ZNF385D: variants seen among roughly 807,000 people sequenced by gnomAD.
ZNF385D encodes the protein zinc finger protein 659.
Under a neutral mutation model 35.8 loss-of-function variants are expected in ZNF385D, and 15 were observed. The observed-to-expected ratio is 0.42, with a 90% CI of 0.28 to 0.64. The LOEUF (loss-of-function observed/expected upper bound fraction) is 0.64. Among genes scored for constraint, ZNF385D ranks in the 30% least tolerant of loss-of-function variants. The pLI is 0.23. For missense variants in ZNF385D, 474 were observed against 494.6 expected, an observed-to-expected ratio of 0.96 and a Z score of 0.39; for synonymous variants, 212 against 186.8, an observed-to-expected ratio of 1.13 and a Z score of -1.10.
At chr3:22,228,949 C>G (rs950270634) in intron 2 of ZNF385D, among the ~76,000 whole-genome samples, 2 of 152,366 alleles carry the variant, frequency 1.3e-5, no homozygotes, top group Non-Finnish European at 2.9e-5. Context: ...CCTTCGGCCA[C>G]AGGCTGAATG....
chr3:22,272,302 T>G (rs901415565), intron 2 of ZNF385D, among the ~76,000 whole-genome samples: 1 of 151,994 alleles, frequency 6.6e-6, no homozygotes, highest in African/African-American at 2.4e-5. Flanking sequence ...TCATAATCTA[T>G]TGTCTTTCCC....
chr3:21,832,919 T>C (rs1038514224), intron 3 of ZNF385D, among the ~76,000 whole-genome samples: 3 of 152,190 alleles, frequency 2.0e-5, no homozygotes, highest in Non-Finnish European at 2.9e-5. Flanking sequence ...AATGATATAC[T>C]TGTGGTCAAA....
At chr3:21,941,556 G>A (rs1436677274) in intron 3 of ZNF385D, among the ~76,000 whole-genome samples, 3 of 129,850 alleles carry the variant, frequency 2.3e-5, no homozygotes, top group South Asian at 2.5e-4. Flanking sequence ...GGAATGCAGT[G>A]GCATGATCTC....
intron 3 of ZNF385D, among the ~76,000 whole-genome samples, chr3:22,120,374 C>T (rs1703028233): frequency 1.3e-5 from 2 of 152,090 alleles, no homozygotes. Flanking sequence ...TGCTGCATCC[C>T]TTCCTCTTCT....
At chr3:21,545,028 C>G (rs537373622) in intron 3 of ZNF385D, among the ~76,000 whole-genome samples, 3 of 152,094 alleles carry the variant, frequency 2.0e-5, no homozygotes, top group Non-Finnish European at 4.4e-5. Context: ...AACATATGTT[C>G]GAAAATTGTA....
chr3:21,840,023 T>G (rs1021982340), intron 3 of ZNF385D, among the ~76,000 whole-genome samples: 19 of 152,116 alleles, frequency 1.2e-4, no homozygotes, highest in African/African-American at 4.6e-4. Context: ...TTCAACGTTT[T>G]TGGGTGTGAG....
At chr3:21,847,084 C>A (rs1457234051) in intron 3 of ZNF385D, among the ~76,000 whole-genome samples, 1 of 152,028 alleles carries the variant, frequency 6.6e-6, no homozygotes, top group East Asian at 1.9e-4. Flanking sequence ...TTTCTAAATT[C>A]TAATCCCCTA....
intron 3 of ZNF385D, among the ~76,000 whole-genome samples, chr3:21,799,507 T>C (rs976392227): frequency 4.6e-5 from 7 of 152,198 alleles, no homozygotes; most frequent in Non-Finnish European, 7.3e-5. Context: ...TAAAAACTAT[T>C]GGTATTAAGT....
At chr3:21,786,217 G>T (rs2071685710) in intron 3 of ZNF385D, among the ~76,000 whole-genome samples, 1 of 152,076 alleles carries the variant, frequency 6.6e-6, no homozygotes, top group South Asian at 2.1e-4. Context: ...GACTTTATAA[G>T]CTTCTCTAAG....
At chr3:21,991,622 G>A (rs978035794) in intron 3 of ZNF385D, among the ~76,000 whole-genome samples, 1 of 152,162 alleles carries the variant, frequency 6.6e-6, no homozygotes, top group African/African-American at 2.4e-5. Context: ...CAGCTAATAA[G>A]ACAAAGAACT....
intron 2 of ZNF385D, among the ~76,000 whole-genome samples, chr3:22,213,644 ACCT>A (rs1697667800): frequency 6.6e-6 from 1 of 151,950 alleles, no homozygotes; most frequent in African/African-American, 2.4e-5. Flanking sequence ...AAGTTAAAAA[ACCT>A]CCTCATGTCA....
intron 3 of ZNF385D, among the ~76,000 whole-genome samples, chr3:22,112,780 C>A (rs1284451726): frequency 6.6e-6 from 1 of 151,996 alleles, no homozygotes; most frequent in Non-Finnish European, 1.5e-5. Flanking sequence ...TCAAGAAATA[C>A]AAACTTCATT....
At chr3:21,828,557 T>C (rs2125756678) in intron 3 of ZNF385D, among the ~76,000 whole-genome samples, 1 of 152,356 alleles carries the variant, frequency 6.6e-6, no homozygotes, top group East Asian at 1.9e-4. Context: ...TGGCATGTGC[T>C]TTATCATTTG....
intron 3 of ZNF385D, among the ~76,000 whole-genome samples, chr3:22,109,890 G>C (rs932103987): frequency 6.6e-6 from 1 of 151,852 alleles, no homozygotes; most frequent in Non-Finnish European, 1.5e-5. Flanking sequence ...TCTGACAAAG[G>C]GCTACTCATC....
intron 4 of ZNF385D, among the ~76,000 whole-genome samples, chr3:21,482,488 G>A (rs1704699395): frequency 6.6e-6 from 1 of 152,110 alleles, no homozygotes; most frequent in African/African-American, 2.4e-5. Context: ...AGTCATCCTT[G>A]CCCATGGTCA....
chr3:21,540,806 A>G (rs2062155321), intron 3 of ZNF385D, among the ~76,000 whole-genome samples: 2 of 152,164 alleles, frequency 1.3e-5, no homozygotes, highest in Admixed American at 1.3e-4. Flanking sequence ...GTACCACTGA[A>G]AATCACATGT....
chr3:21,741,579 C>G (rs4276206), intron 1 of ZNF385D, among the ~76,000 whole-genome samples: 30,078 of 151,706 alleles, frequency 0.2, 3,069 homozygotes, highest in Middle Eastern at 0.33. Context: ...TACAAGCAGA[C>G]CTTGGGAGAA....
At chr3:22,000,736 G>C (rs530060292) in intron 3 of ZNF385D, among the ~76,000 whole-genome samples, 2 of 147,282 alleles carry the variant, frequency 1.4e-5, no homozygotes, top group Admixed American at 6.8e-5. Context: ...GGAGAGAATG[G>C]GATAATAAAT....
intron 4 of ZNF385D, among the ~76,000 whole-genome samples, chr3:21,462,912 A>T (rs2125317269): frequency 6.6e-6 from 1 of 152,244 alleles, no homozygotes; most frequent in South Asian, 2.1e-4. Context: ...AACCAGGGAG[A>T]CAGAGGTTGT....
Sources: gnomAD v4.1 joint callset for allele counts (sites outside exome capture counted in the v4.1 genomes callset) on GRCh38, gnomAD v4.1.1 for gene constraint, MANE v1.5 for transcripts, NCBI Gene and HGNC (gene_info 2026-07-23, HGNC 2026-07-21) for gene names.